Variants in TSHR observed in about 807,000 individuals in gnomAD.
TSHR encodes the protein thyrotropin receptor.
In TSHR, 51 loss-of-function variants were observed where a neutral mutation model predicts 64.1. The observed-to-expected ratio is 0.80, with a 90% CI of 0.64 to 1.01. The LOEUF (loss-of-function observed/expected upper bound fraction) is 1.01, where lower values mean the gene tolerates loss of function less well. Ranked by LOEUF, TSHR falls within the 50% of genes least tolerant of loss-of-function variation. The probability of loss-of-function intolerance (pLI) is 0.00; values close to 1 mark genes in which losing one functional copy is unlikely to be tolerated. For synonymous variants in TSHR, 361 were observed against 361.9 expected (o/e 1.00, Z 0.03); for missense variants, 877 against 942.8 (o/e 0.93, Z 0.91).
At chr14:81,109,277 C>T (rs965449403) in intron 8 of TSHR, among the ~76,000 whole-genome samples, 20 of 151,940 alleles carry the variant, frequency 1.3e-4, no homozygotes, top group Admixed American at 2.6e-4. Context: ...GGCGTAGTGG[C>T]GGGTGCCTGT....
intron 3 of TSHR, among the ~76,000 whole-genome samples, chr14:81,068,841 T>A (rs1886850616): frequency 6.6e-6 from 1 of 152,192 alleles, no homozygotes; most frequent in Admixed American, 6.5e-5. Flanking sequence ...TCTTTCCTAG[T>A]CTCATTTGCA....
At chr14:81,068,198 T>G in intron 2 of TSHR, 56 bp from the exon 3 acceptor site, 1 of 1,544,680 alleles carries the variant, frequency 6.5e-7, no homozygotes, top group African/African-American at 1.4e-5. Context: ...ATAGTATGTT[T>G]GAAGTTTACA....
chr14:81,021,399 C>A (rs1294629692), intron 1 of TSHR, among the ~76,000 whole-genome samples: 1 of 152,076 alleles, frequency 6.6e-6, no homozygotes, highest in African/African-American at 2.4e-5. Flanking sequence ...TGCTTGTCTT[C>A]ATTACTAGGA....
chr14:81,134,952 C>T (rs1345885060), intron 8 of TSHR, among the ~76,000 whole-genome samples: 1 of 152,022 alleles, frequency 6.6e-6, no homozygotes, highest in Non-Finnish European at 1.5e-5. Context: ...GAGAAGCTTC[C>T]AGAAGTAATA....
intron 1 of TSHR, among the ~76,000 whole-genome samples, chr14:81,055,138 A>G (rs1366494842): frequency 1.3e-5 from 2 of 152,100 alleles, no homozygotes; most frequent in African/African-American, 4.8e-5. Context: ...CTGTGACTAA[A>G]AGGGGCCAAG....
intron 1 of TSHR, among the ~76,000 whole-genome samples, chr14:81,029,989 G>A (rs898864833): frequency 1.4e-4 from 21 of 152,176 alleles, no homozygotes; most frequent in African/African-American, 1.7e-4. Context: ...TTCAGTGAGA[G>A]TTCTGCACAA....
At chr14:81,065,174 G>A (rs925396550) in intron 2 of TSHR, among the ~76,000 whole-genome samples, 18 of 152,048 alleles carry the variant, frequency 1.2e-4, no homozygotes, top group African/African-American at 4.1e-4. Flanking sequence ...CAACAGGAGA[G>A]GCCAGGCTCC....
At chr14:81,062,323 G>A (rs1886304515) in intron 2 of TSHR, 104 bp downstream of exon 2, 2 of 804,348 alleles carry the variant, frequency 2.5e-6, no homozygotes, top group Middle Eastern at 2.9e-4. Context: ...ATAAATCAAT[G>A]GCAGTTATAT....
At chr14:81,001,302 G>A (rs528031231) in intron 1 of TSHR, 8 of 263,216 alleles carry the variant, frequency 3.0e-5, no homozygotes, top group African/African-American at 1.8e-4. Context: ...GGAACAGATT[G>A]TTCCAGATTA....
At chr14:81,044,493 C>T (rs1885073023) in intron 1 of TSHR, among the ~76,000 whole-genome samples, 1 of 152,080 alleles carries the variant, frequency 6.6e-6, no homozygotes, top group African/African-American at 2.4e-5. Context: ...CCCTTCTCTA[C>T]TAAAAACACA....
chr14:81,000,152 G>T (rs1400514254), intron 1 of TSHR, among the ~76,000 whole-genome samples: 2 of 151,850 alleles, frequency 1.3e-5, no homozygotes, highest in African/African-American at 4.8e-5. Context: ...GGCTGGTCTC[G>T]AACTCCTGAG....
chr14:81,023,787 C>T (rs375116048), intron 1 of TSHR, among the ~76,000 whole-genome samples: 23 of 152,078 alleles, frequency 1.5e-4, no homozygotes, highest in African/African-American at 5.3e-4. Context: ...AAGGGCAGTC[C>T]TTATCATAAA....
At chr14:81,082,646 CAA>C (rs1887991270) in intron 3 of TSHR, among the ~76,000 whole-genome samples, 1 of 152,098 alleles carries the variant, frequency 6.6e-6, no homozygotes, top group South Asian at 2.1e-4. Flanking sequence ...CAAATTGAAA[CAA>C]GAGTTAAAAA....
At position 81,124,498 on chromosome 14, in the gene TSHR, C is replaced by T. The variant is rs377294563; in HGVS notation, c.693-15181C>T. Reference sequence around the variant, plus strand: ...TTATCCAGAAAGTTCCCTCATGCCTCACCCCACCTCCCATAGACATGCTAT... The same window carrying T: ...TTATCCAGAAAGTTCCCTCATGCCTTACCCCACCTCCCATAGACATGCTAT... On this transcript the variant is annotated intron_variant, in intron 8 of 9. Coordinates refer to ENST00000298171, the MANE Select transcript of TSHR (RefSeq NM_000369.5). 7.2e-5 allele frequency among the ~76,000 whole-genome samples: 11 copies of T among 152,128 alleles called. 2 individuals carry two copies. The highest frequency in any genetic ancestry group is 7.2e-4 in the Admixed American group (11 of 15,276).
chr14:81,100,643 C>G (rs889014745), intron 7 of TSHR, among the ~76,000 whole-genome samples: 6 of 152,340 alleles, frequency 3.9e-5, no homozygotes, highest in African/African-American at 1.4e-4. Context: ...CAGGGTTCCC[C>G]CAGTCCCCTC....
At chr14:81,011,082 T>G (rs1594948706) in intron 1 of TSHR, among the ~76,000 whole-genome samples, 2 of 152,348 alleles carry the variant, frequency 1.3e-5, no homozygotes, top group South Asian at 4.1e-4. Flanking sequence ...TAGCTGGAGC[T>G]AGGAACTAAC....
chr14:81,006,312 G>T (rs1024190442), intron 1 of TSHR, among the ~76,000 whole-genome samples: 1 of 152,200 alleles, frequency 6.6e-6, no homozygotes, highest in Middle Eastern at 3.4e-3. Context: ...CAAGATCAAG[G>T]TGTAGACCAA....
intron 1 of TSHR, among the ~76,000 whole-genome samples, chr14:80,976,843 G>A (rs1167215906): frequency 1.3e-5 from 2 of 152,184 alleles, no homozygotes; most frequent in Non-Finnish European, 2.9e-5. Context: ...TGTGATAAGT[G>A]GACTCTCTCC....
chr14:81,021,422 A>G (rs368955340), intron 1 of TSHR, among the ~76,000 whole-genome samples: 2 of 152,174 alleles, frequency 1.3e-5, no homozygotes, highest in African/African-American at 4.8e-5. Flanking sequence ...AGGGGAAAAA[A>G]GATTCTGGGT....
Sources: allele counts gnomAD v4.1 joint callset (sites outside exome capture counted in the v4.1 genomes callset), GRCh38; gene constraint gnomAD v4.1.1; transcripts MANE v1.5; gene names NCBI Gene and HGNC (gene_info 2026-07-23, HGNC 2026-07-21).